The following SPON1 variants were observed in gnomAD, a reference collection of about 807,000 sequenced individuals.
SPON1 encodes the protein spondin 1, also known as spondin-1.
In SPON1, 52 loss-of-function variants were observed where a neutral mutation model predicts 111.7. The ratio of observed to expected loss-of-function variants is 0.47; its 90% confidence interval spans 0.37 to 0.59. The LOEUF (loss-of-function observed/expected upper bound fraction) is 0.59, where lower values mean the gene tolerates loss of function less well. Ranked by LOEUF, SPON1 falls within the 20% of genes least tolerant of loss-of-function variation. SPON1 has a pLI of 0.00. For synonymous variants in SPON1, 410 were observed against 395.8 expected (o/e 1.04, Z -0.43); for missense variants, 957 against 1,068.5 (o/e 0.90, Z 1.46).
chr11:14,170,790 T>A (rs1848089410), intron 6 of SPON1, among the ~76,000 whole-genome samples: 2 of 152,220 alleles, frequency 1.3e-5, no homozygotes, highest in African/African-American at 4.8e-5. Flanking sequence ...ATATGCCAGA[T>A]TACGTTTATT....
chr11:14,063,846 A>G (rs935675060), intron 3 of SPON1, among the ~76,000 whole-genome samples: 5 of 152,228 alleles, frequency 3.3e-5, no homozygotes, highest in South Asian at 2.1e-4. Context: ...TTTGAGAACA[A>G]TGGTTGCCAT....
Position 14,259,417 on chromosome 11 carries a change from GA to G in SPON1, c.1633del (p.Thr545ArgfsTer16). 1 of 1,610,828 alleles carries G rather than the reference GA, an allele frequency of 6.2e-7. No homozygotes were observed. Among genetic ancestry groups the G allele is most frequent in the Non-Finnish European group, 8.5e-7 (1 of 1,178,832 alleles). On this transcript the variant is annotated frameshift_variant, in exon 12 of 16. Coordinates refer to ENST00000576479, the MANE Select transcript of SPON1 (RefSeq NM_006108.4). LOFTEE classifies it high-confidence loss of function. The surrounding 1 kb of genome is among the most constrained non-coding windows in gnomAD (Gnocchi z 5.0). ...CTCCGTGTGCACGCTGCCCACTGAG[GA>G]AACGGAGAAGTGCACGGTCAACGAG... is the stretch of plus-strand genomic sequence containing the variant. ...DGSVCTLPTE[E>X]TEKCTVNEEC...
intron 6 of SPON1, among the ~76,000 whole-genome samples, chr11:14,168,125 G>A (rs895085995): frequency 7.9e-5 from 12 of 152,090 alleles, no homozygotes; most frequent in Non-Finnish European, 2.9e-5. Context: ...AGCATAGCTA[G>A]TAGGCATGGC....
At chr11:14,064,286 C>A (rs561458850) in intron 3 of SPON1, among the ~76,000 whole-genome samples, 19 of 152,148 alleles carry the variant, frequency 1.2e-4, no homozygotes, top group Non-Finnish European at 2.2e-4. Context: ...ATCAAGAGTA[C>A]CCAATGCCTG....
At position 13,963,153 on chromosome 11, in the gene SPON1, G is replaced by A. The variant is rs1354633764; in HGVS notation, c.238+11G>A. 6.7e-7 allele frequency: 1 copy of A among 1,485,598 alleles called. No individual in the cohort carries two copies. The highest frequency in any genetic ancestry group is 1.3e-5 in the South Asian group (1 of 75,414). 92.0% of individuals were successfully genotyped at this position (1,485,598 alleles called of 1,614,324 possible). A position where few individuals can be genotyped will look rare whatever the true frequency, so the allele number is the denominator to read the frequency against. ...GAACCAGCTACCGCGGTAAGTGGCCGCCCGGCGTGGCATTAGGAGAGCGGG... is the reference window on the plus strand; with the variant it reads ...GAACCAGCTACCGCGGTAAGTGGCCACCCGGCGTGGCATTAGGAGAGCGGG... On this transcript the variant is annotated intron_variant, in intron 1 of 15. Coordinates refer to ENST00000576479, the MANE Select transcript of SPON1 (RefSeq NM_006108.4).
At chr11:14,215,028 T>A (rs1848612327) in intron 6 of SPON1, among the ~76,000 whole-genome samples, 1 of 152,186 alleles carries the variant, frequency 6.6e-6, no homozygotes, top group Non-Finnish European at 1.5e-5. Context: ...TCCATCTTTC[T>A]ACTCTGCCTT....
chr11:14,143,733 C>T (rs1202532295), intron 6 of SPON1, among the ~76,000 whole-genome samples: 1 of 152,118 alleles, frequency 6.6e-6, no homozygotes, highest in African/African-American at 2.4e-5. Flanking sequence ...AGAAGAAGTT[C>T]AGGAGCACTA....
chr11:13,994,753 A>G (rs781797349), intron 2 of SPON1, among the ~76,000 whole-genome samples: 8 of 152,248 alleles, frequency 5.3e-5, no homozygotes, highest in African/African-American at 7.2e-5. Flanking sequence ...TTCAGTTGCC[A>G]TTAAGTAAGT....
At chr11:14,090,401 C>A (rs922119101) in intron 5 of SPON1, among the ~76,000 whole-genome samples, 1 of 152,170 alleles carries the variant, frequency 6.6e-6, no homozygotes, top group African/African-American at 2.4e-5. Flanking sequence ...GGTTCTTGGT[C>A]TCACTGACTT....
chr11:14,243,130 T>C (rs1335854105), intron 6 of SPON1, among the ~76,000 whole-genome samples: 2 of 152,140 alleles, frequency 1.3e-5, no homozygotes, highest in Non-Finnish European at 2.9e-5. Context: ...GTCCAGGACA[T>C]ACCTGGACAC....
At chr11:14,030,777 C>T (rs1360927408) in intron 2 of SPON1, among the ~76,000 whole-genome samples, 1 of 152,180 alleles carries the variant, frequency 6.6e-6, no homozygotes, top group East Asian at 1.9e-4. Context: ...TTAGTTTGTC[C>T]ACTGTGGAAA....
At chr11:14,141,476 T>A (rs1847655759) in intron 6 of SPON1, among the ~76,000 whole-genome samples, 2 of 152,328 alleles carry the variant, frequency 1.3e-5, no homozygotes, top group Admixed American at 1.3e-4. Flanking sequence ...TATATTTCTC[T>A]GGATTCAAGG....
chr11:14,184,526 G>T (rs550247304), intron 6 of SPON1, among the ~76,000 whole-genome samples: 1 of 152,162 alleles, frequency 6.6e-6, no homozygotes, highest in Non-Finnish European at 1.5e-5. Flanking sequence ...CCTCTCAGAG[G>T]GCCAGCCTGG....
chr11:14,130,803 C>T (rs1847519374), intron 5 of SPON1, among the ~76,000 whole-genome samples: 1 of 151,728 alleles, frequency 6.6e-6, no homozygotes, highest in Non-Finnish European at 1.5e-5. Flanking sequence ...TTACAGATAT[C>T]TTGCTCTCAC....
chr11:14,203,812 TAAAAG>T (rs1432873849), intron 6 of SPON1, among the ~76,000 whole-genome samples: 1 of 152,138 alleles, frequency 6.6e-6, no homozygotes, highest in Admixed American at 6.5e-5. Flanking sequence ...AGCACTGAGT[TAAAAG>T]AAAGGATTGA....
chr11:14,004,786 G>A (rs569176625), intron 2 of SPON1, among the ~76,000 whole-genome samples: 2 of 151,970 alleles, frequency 1.3e-5, no homozygotes, highest in African/African-American at 4.8e-5. Flanking sequence ...TGTTTTTTCA[G>A]TTCGTAGTTT....
At chr11:14,240,405 G>A (rs1848912646) in intron 6 of SPON1, among the ~76,000 whole-genome samples, 1 of 152,190 alleles carries the variant, frequency 6.6e-6, no homozygotes, top group Non-Finnish European at 1.5e-5. Context: ...CAGATGTTGT[G>A]TAACCACTAG....
intron 8 of SPON1, 130 bp downstream of exon 8, chr11:14,254,859 GGTCGCATCA>G: frequency 1.2e-6 from 1 of 859,778 alleles, no homozygotes; most frequent in Non-Finnish European, 1.8e-6. Context: ...AGGCTGGCAT[GGTCGCATCA>G]TCACATATGG....
At chr11:14,013,067 T>C (rs1554913897) in intron 2 of SPON1, among the ~76,000 whole-genome samples, 1 of 152,188 alleles carries the variant, frequency 6.6e-6, no homozygotes, top group Non-Finnish European at 1.5e-5. Context: ...TAAATGTAAT[T>C]TCACACATGT....
Sources: gnomAD v4.1 joint callset for allele counts (sites outside exome capture counted in the v4.1 genomes callset) on GRCh38, gnomAD v4.1.1 for gene constraint, Gnocchi (gnomAD v3.1) non-coding constraint, MANE v1.5 for transcripts, NCBI Gene and HGNC (gene_info 2026-07-23, HGNC 2026-07-21) for gene names.